Variants in ABCC2 observed in about 807,000 individuals in gnomAD.
The protein encoded by ABCC2 is ATP-binding cassette sub-family C member 2.
A neutral mutation model predicts 173.4 loss-of-function variants in ABCC2; 157 were observed. That is an observed-to-expected ratio of 0.91 (90% CI 0.80 to 1.03). The LOEUF (loss-of-function observed/expected upper bound fraction) is 1.03, where lower values mean the gene tolerates loss of function less well. Among genes scored for constraint, ABCC2 ranks in the 50% least tolerant of loss-of-function variants. The pLI is 0.00. For synonymous variants in ABCC2, 657 were observed against 693.5 expected (o/e 0.95, Z 0.83); for missense variants, 1,822 against 1,852.3 (o/e 0.98, Z 0.30).
At chr10:99,849,946 A>G (rs2039066171) in intron 30 of ABCC2, among the ~76,000 whole-genome samples, 1 of 152,216 alleles carries the variant, frequency 6.6e-6, no homozygotes, top group African/African-American at 2.4e-5. Context: ...TAGCAAATTA[A>G]AGCTATTTGC....
At chr10:99,789,379 A>C (rs1303113459) in intron 2 of ABCC2, 1 of 152,132 alleles carries the variant, frequency 6.6e-6, no homozygotes, top group Non-Finnish European at 1.5e-5. Flanking sequence ...AGAATAAGGC[A>C]GGCTTTGGAG....
In ABCC2 at chr10:99,844,478, A is replaced by G. The variant is rs1361351767; in HGVS notation, c.3987+13A>G. The G allele has an allele frequency of 6.2e-7, 1 of 1,612,454 alleles. No individual in the cohort carries two copies. Among genetic ancestry groups the G allele is most frequent in the South Asian group, 1.1e-5 (1 of 91,072 alleles). The stretch of plus-strand genomic sequence containing the variant: ...TAGCATGGAGAAGGTAGGTGGAGTG[A>G]AGGAAGGCCTGGATGGGAGGCCTTG... On this transcript the variant is annotated intron_variant, in intron 28 of 31. Transcript: ENST00000647814.
intron 6 of ABCC2, among the ~76,000 whole-genome samples, chr10:99,796,684 C>CA (rs1033952555): frequency 8.6e-5 from 13 of 151,034 alleles, no homozygotes; most frequent in Admixed American, 3.3e-4. Context: ...GACTCTGTCT[C>CA]AAAAAAAACA....
Position 99,819,172 on chromosome 10 carries a change from G to C in ABCC2, c.2523G>C (p.Glu841Asp). 1 of 1,614,150 alleles carries C rather than the reference G, an allele frequency of 6.2e-7. No individual in the cohort carries two copies. The highest frequency in any genetic ancestry group is 1.3e-5 in the African/African-American group (1 of 75,050). The change falls in exon 19 of 32, where the codon GAG (glutamate) becomes GAC (aspartate). Residue 841 changes from glutamate (E) to aspartate (D), a missense_variant. Coordinates refer to ENST00000647814, the MANE Select transcript of ABCC2 (RefSeq NM_000392.5). ...TTCTGGGGAATGGAACAATTGTAGAGAAAGGATCCTACAGTGCTCTCCTGG... is the reference window on the plus strand; with the variant it reads ...TTCTGGGGAATGGAACAATTGTAGACAAAGGATCCTACAGTGCTCTCCTGG... ...IVVLGNGTIV[E>D]KGSYSALLAK... is the part of the protein sequence containing the mutation.
chr10:99,836,362 G>C, intron 25 of ABCC2, 72 bp downstream of exon 25: 2 of 1,472,576 alleles, frequency 1.4e-6, no homozygotes, highest in Non-Finnish European at 1.9e-6. Flanking sequence ...AGCGGTGGGA[G>C]GGCAGGCATG....
Position 99,836,234 on chromosome 10 carries a change from T to A in ABCC2, c.3558T>A (p.Asn1186Lys). The change falls in exon 25 of 32, where the codon AAT (asparagine) becomes AAA (lysine). Residue 1186 changes from asparagine (N) to lysine (K), a missense_variant. Coordinates refer to ENST00000647814, the MANE Select transcript of ABCC2 (RefSeq NM_000392.5). Reference protein sequence around the residue: ...FEHQQRFLKHNEVRIDTNQKC... With the variant: ...FEHQQRFLKHKEVRIDTNQKC... ...ACCAGCAGCGATTTCTGAAACACAA[T>A]GAGGTGAGGATTGACACCAACCAGA... The A allele has an allele frequency of 8.7e-6, 14 of 1,614,202 alleles. No homozygotes were observed. Among genetic ancestry groups the A allele is most frequent in the Non-Finnish European group, 1.2e-5 (14 of 1,180,022 alleles).
At chr10:99,839,146 C>T (rs2038885904) in intron 25 of ABCC2, among the ~76,000 whole-genome samples, 1 of 136,158 alleles carries the variant, frequency 7.3e-6, no homozygotes, top group African/African-American at 2.7e-5. Context: ...GGGCCGACCC[C>T]CCCACCTCCC....
At chr10:99,795,268 A>G (rs2037879600) in intron 6 of ABCC2, among the ~76,000 whole-genome samples, 1 of 152,230 alleles carries the variant, frequency 6.6e-6, no homozygotes, top group African/African-American at 2.4e-5. Flanking sequence ...AGTTACCAAA[A>G]TATTTTAAAA....
At chr10:99,809,086 C>G (rs1231536881) in intron 13 of ABCC2, among the ~76,000 whole-genome samples, 1 of 152,152 alleles carries the variant, frequency 6.6e-6, no homozygotes, top group Non-Finnish European at 1.5e-5. Flanking sequence ...GGTGGCTGGG[C>G]TCACACCTGT....
At chr10:99,817,665 A>G (rs535421398) in intron 17 of ABCC2, among the ~76,000 whole-genome samples, 181 bp downstream of exon 17, 1 of 152,336 alleles carries the variant, frequency 6.6e-6, no homozygotes, top group South Asian at 2.1e-4. Flanking sequence ...TAAATAACTC[A>G]GAATTTCAAA....
intron 25 of ABCC2, among the ~76,000 whole-genome samples, chr10:99,840,503 CTTTTA>C (rs369102850): frequency 0.1 from 12,118 of 115,674 alleles, no homozygotes; most frequent in Middle Eastern, 0.19. Flanking sequence ...TTTTCTTTTC[CTTTTA>C]TTTTATTTTA....
chr10:99,850,049 G>A (rs79231974), intron 30 of ABCC2, among the ~76,000 whole-genome samples: 7,965 of 152,130 alleles, frequency 0.052, 246 homozygotes, highest in African/African-American at 0.077. Context: ...AAAGCAGAAG[G>A]CCTTGAACAA....
intron 26 of ABCC2, among the ~76,000 whole-genome samples, chr10:99,842,959 A>C (rs2038968210): frequency 6.6e-6 from 1 of 152,126 alleles, no homozygotes; most frequent in Non-Finnish European, 1.5e-5. Context: ...AGGCTGAGGC[A>C]GGAGAATCAC....
In ABCC2 at chr10:99,850,791, TGAC is replaced by T; in HGVS notation, c.4504_4506del (p.Asp1502del). 1 of 1,614,098 alleles carries T rather than the reference TGAC, an allele frequency of 6.2e-7. No individual in the cohort carries two copies. Among genetic ancestry groups the T allele is most frequent in the East Asian group, 2.2e-5 (1 of 44,876 alleles). ...ACAGGCTGCACACCATCATGGACAG[TGAC>T]AAGTGAGTGTAGGGGGACAGGGCTT... On this transcript the variant is annotated inframe_deletion and splice_region_variant, in exon 31 of 32. Transcript: ENST00000647814.
chr10:99,835,089 A>C (rs2133122083), intron 24 of ABCC2, among the ~76,000 whole-genome samples: 1 of 152,324 alleles, frequency 6.6e-6, no homozygotes, highest in Non-Finnish European at 1.5e-5. Context: ...AAACAGGGAA[A>C]CTGGAACGAG....
chr10:99,831,858 A>G, intron 22 of ABCC2, 28 bp downstream of exon 22: 1 of 1,613,362 alleles, frequency 6.2e-7, no homozygotes, highest in African/African-American at 1.3e-5. Flanking sequence ...GACATCTTAC[A>G]GAATCTGTCT....
In ABCC2 at chr10:99,850,761, C is replaced by CAG. The variant is rs752513268; in HGVS notation, c.4473_4474insAG (p.Ala1492ArgfsTer14). The CAG allele has an allele frequency of 4.3e-6, 7 of 1,614,200 alleles. No homozygotes were observed. The East Asian group carries it at 1.6e-4, about 36-fold the overall frequency. On this transcript the variant is annotated frameshift_variant, in exon 31 of 32. Transcript: ENST00000647814. LOFTEE classifies it high-confidence loss of function. ...TCGCCCACTGCACAGTGATCACCAT[C>CAG]GCCCACAGGCTGCACACCATCATGG...
rs148551677 is a variant in ABCC2 at position 99,836,113 on chromosome 10, G to A, written c.3437G>A (p.Arg1146His). 47 of 1,613,844 alleles carry A rather than the reference G, an allele frequency of 2.9e-5. No homozygotes were observed. Among genetic ancestry groups the A allele is most frequent in the Admixed American group, 5.0e-5 (3 of 60,014 alleles). ...SVQMFYVSTS[R>H]QLRRLDSVTR... is the part of the protein sequence containing the mutation. ...CAGATGTTTTATGTGTCTACCTCCC[G>A]CCAGCTGAGGCGTCTGGACTCTGTC... The change falls in exon 25 of 32, where the codon CGC becomes CAC. Residue 1146 changes from arginine (R) to histidine (H), a missense_variant. Transcript: ENST00000647814.
At chr10:99,827,644 T>C (rs2038667506) in intron 19 of ABCC2, among the ~76,000 whole-genome samples, 1 of 151,980 alleles carries the variant, frequency 6.6e-6, no homozygotes, top group Admixed American at 6.5e-5. Flanking sequence ...TTCCAGTCTT[T>C]TAGATCTAAA....
Sources: allele counts gnomAD v4.1 joint callset (sites outside exome capture counted in the v4.1 genomes callset), GRCh38; gene constraint gnomAD v4.1.1; transcripts MANE v1.5; gene names NCBI Gene and HGNC (gene_info 2026-07-23, HGNC 2026-07-21).